SSBP3: variants seen among roughly 807,000 people sequenced by gnomAD.
The protein encoded by SSBP3 is single stranded DNA binding protein 3.
SSBP3 carries 5 observed loss-of-function variants against 69.6 expected under a neutral mutation model. The observed-to-expected ratio is 0.07, with a 90% CI of 0.04 to 0.15. SSBP3 has a LOEUF of 0.15. Among genes scored for constraint, SSBP3 ranks in the 10% least tolerant of loss-of-function variants. SSBP3 has a pLI of 1.00. For missense variants in SSBP3, 312 were observed against 534.0 expected (o/e 0.58, Z 4.10); for synonymous variants, 196 against 193.4 (o/e 1.01, Z -0.11).
Position 54,240,885 on chromosome 1 carries a change from T to C in SSBP3, c.856+20A>G. The C allele has an allele frequency of 1.9e-6, 3 of 1,612,668 alleles. No homozygotes were observed. The highest frequency in any genetic ancestry group is 2.5e-6 in the Non-Finnish European group (3 of 1,179,168). ...ACCCTCCACCACCAGACCCCCCACT[T>C]TCCCCTCAAGCGCTCTTACCTGCGG... is the stretch of plus-strand genomic sequence containing the variant. On this transcript the variant is annotated intron_variant, in intron 13 of 17. Coordinates refer to ENST00000610401, the Ensembl canonical transcript of SSBP3.
At chr1:54,241,493 G>A (rs1644637561) in exon 12 of SSBP3, 1 of 1,614,152 alleles carries the variant, frequency 6.2e-7, no homozygotes, top group Non-Finnish European at 8.5e-7. Context: ...ACCAGGTGAT[G>A]AGGAGGAGTA....
Position 54,398,110 on chromosome 1 carries a change from G to A in SSBP3, c.276+3751C>T, listed in dbSNP as rs1314484775. Among the ~76,000 whole-genome samples, 2 of 152,100 alleles carry A rather than the reference G, an allele frequency of 1.3e-5. 1 individual carries two copies. The highest frequency in any genetic ancestry group is 2.9e-5 in the Non-Finnish European group (2 of 68,022). The stretch of plus-strand genomic sequence containing the variant: ...TGAGAGGCAGAACTAGAAAGATAGA[G>A]GATTTCTAGTCTCAGCTCTGCCAAC... On this transcript the variant is annotated intron_variant, in intron 4 of 17. Transcript: ENST00000610401.
chr1:54,296,644 C>T (rs11206321), intron 4 of SSBP3, among the ~76,000 whole-genome samples: 52,998 of 152,106 alleles, frequency 0.35, 9,352 homozygotes, highest in Middle Eastern at 0.47. Flanking sequence ...AAAACGAGGA[C>T]AATAAGCACT....
intron 4 of SSBP3, among the ~76,000 whole-genome samples, chr1:54,320,807 T>G (rs1461496892): frequency 6.6e-6 from 1 of 152,122 alleles, no homozygotes; most frequent in African/African-American, 2.4e-5. Flanking sequence ...ACACGGAAGC[T>G]TCTGGGGCTT....
chr1:54,250,844 G>A (rs1027250807), intron 9 of SSBP3, among the ~76,000 whole-genome samples: 1 of 152,206 alleles, frequency 6.6e-6, no homozygotes, highest in African/African-American at 2.4e-5. Flanking sequence ...TGGTTCCACA[G>A]CAGAACACCT....
At chr1:54,235,907 G>T (rs1644484168) in intron 14 of SSBP3, among the ~76,000 whole-genome samples, 1 of 152,186 alleles carries the variant, frequency 6.6e-6, no homozygotes, top group Admixed American at 6.5e-5. Flanking sequence ...ATAAAGTCCT[G>T]TTTAACTTGA....
chr1:54,287,643 A>G (rs963004302), intron 4 of SSBP3, among the ~76,000 whole-genome samples: 3 of 151,964 alleles, frequency 2.0e-5, no homozygotes, highest in African/African-American at 7.3e-5. Flanking sequence ...ACTATGGAGT[A>G]ACCCGGGTCC....
At chr1:54,233,368 G>A (rs568800304) in intron 14 of SSBP3, among the ~76,000 whole-genome samples, 48 of 151,018 alleles carry the variant, frequency 3.2e-4, no homozygotes, top group Middle Eastern at 3.4e-3. Flanking sequence ...GAGAAGTGAG[G>A]AGCCCCTCTG....
chr1:54,319,070 C>G (rs1464469497), intron 4 of SSBP3, among the ~76,000 whole-genome samples: 1 of 152,154 alleles, frequency 6.6e-6, no homozygotes, highest in Non-Finnish European at 1.5e-5. Context: ...AGACCACGCT[C>G]AATGGAGTAG....
At chr1:54,259,506 C>T (rs59803792) in intron 5 of SSBP3, among the ~76,000 whole-genome samples, 2,378 of 152,296 alleles carry the variant, frequency 0.016, 48 homozygotes, top group African/African-American at 0.055. Context: ...GGAGACAGGC[C>T]TCCATTCGCT....
At chr1:54,407,060 G>A (rs1357383671), upstream of SSBP3, among the ~76,000 whole-genome samples, 2 of 152,062 alleles carry the variant, frequency 1.3e-5, no homozygotes, top group Non-Finnish European at 2.9e-5. Flanking sequence ...GCGCCGAGGC[G>A]CGCGGCTGCT....
At chr1:54,272,577 T>A (rs1038609210) in intron 5 of SSBP3, among the ~76,000 whole-genome samples, 8 of 151,510 alleles carry the variant, frequency 5.3e-5, no homozygotes, top group African/African-American at 1.9e-4. Flanking sequence ...CTCAGTCAGC[T>A]ATGAAGAGAC....
chr1:54,252,596 G>A (rs1212755951), intron 7 of SSBP3, among the ~76,000 whole-genome samples: 2 of 152,234 alleles, frequency 1.3e-5, no homozygotes, highest in African/African-American at 2.4e-5. Context: ...CCCGGCTCCA[G>A]AGCTGGGGCC....
intron 14 of SSBP3, among the ~76,000 whole-genome samples, chr1:54,233,305 G>C (rs1239491106): frequency 1.3e-5 from 2 of 150,420 alleles, no homozygotes; most frequent in East Asian, 4.0e-4. Flanking sequence ...GCCTCTGCCC[G>C]GCCGCGACCC....
intron 5 of SSBP3, among the ~76,000 whole-genome samples, chr1:54,273,139 T>C (rs1474492714): frequency 6.6e-6 from 1 of 152,240 alleles, no homozygotes; most frequent in Non-Finnish European, 1.5e-5. Flanking sequence ...GGGTGCTTTG[T>C]TACCGAGCAA....
chr1:54,334,262 G>C (rs2100475740), intron 4 of SSBP3, among the ~76,000 whole-genome samples: 1 of 152,030 alleles, frequency 6.6e-6, no homozygotes, highest in East Asian at 1.9e-4. Flanking sequence ...TGAGGCAGGA[G>C]AATCACTTGA....
At chr1:54,356,219 G>A (rs926765139) in intron 4 of SSBP3, among the ~76,000 whole-genome samples, 1 of 152,200 alleles carries the variant, frequency 6.6e-6, no homozygotes, top group Non-Finnish European at 1.5e-5. Context: ...ATCCCGGGGA[G>A]CTGGCCTGCT....
At chr1:54,230,974 A>G (rs560970275) in intron 14 of SSBP3, among the ~76,000 whole-genome samples, 2 of 152,214 alleles carry the variant, frequency 1.3e-5, no homozygotes, top group African/African-American at 2.4e-5. Flanking sequence ...CACTGATGTA[A>G]TGACACTCAT....
chr1:54,353,896 G>A (rs1183464921), intron 4 of SSBP3, among the ~76,000 whole-genome samples: 1 of 152,222 alleles, frequency 6.6e-6, no homozygotes, highest in East Asian at 1.9e-4. Flanking sequence ...GAGAGGGACT[G>A]CAGATGATCA....
Sources: gnomAD v4.1 joint callset for allele counts (sites outside exome capture counted in the v4.1 genomes callset) on GRCh38, gnomAD v4.1.1 for gene constraint, MANE v1.5 for transcripts, NCBI Gene and HGNC (gene_info 2026-07-23, HGNC 2026-07-21) for gene names.